Variants in BICDL2 observed in about 807,000 individuals in gnomAD.
BICDL2 encodes the protein BICD family-like cargo adapter 2.
A neutral mutation model predicts 56.6 loss-of-function variants in BICDL2; 62 were observed. The ratio of observed to expected loss-of-function variants is 1.10; its 90% CI spans 0.89 to 1.35. The LOEUF is 1.35. BICDL2 is among the 40% of genes most tolerant of loss of function. The probability of loss-of-function intolerance (pLI) is 0.00; values close to 1 mark genes in which losing one functional copy is unlikely to be tolerated. For synonymous variants in BICDL2, 358 were observed against 319.8 expected, an observed-to-expected ratio of 1.12 and a Z score of -1.27; for missense variants, 808 against 684.5, an observed-to-expected ratio of 1.18 and a Z score of -2.01.
At chr16:3,029,929 G>C in intron 5 of BICDL2, 190 bp from the exon 6 acceptor site, 1 of 556,952 alleles carries the variant, frequency 1.8e-6, no homozygotes. Context: ...CAGTTTCCTC[G>C]CCTATAGAGC....
chr16:3,030,248 A>G (rs1955632075), intron 5 of BICDL2: 1 of 643,342 alleles, frequency 1.6e-6, no homozygotes, highest in Non-Finnish European at 2.5e-6. Flanking sequence ...TCCAGCTGCC[A>G]GGCTCTGATG....
chr16:3,036,870 C>A (rs948528406), intron 1 of BICDL2, 24 bp downstream of exon 1: 5 of 290,894 alleles, frequency 1.7e-5, no homozygotes, highest in Admixed American at 1.6e-4. Flanking sequence ...GGGGCCCGGC[C>A]CTCGGCGTCC....
Position 3,035,356 on chromosome 16 carries a change from G to C in BICDL2, c.141C>G (p.Pro47=), listed in dbSNP as rs183014367. 3.7e-6 allele frequency: 6 copies of C among 1,603,456 alleles called. No homozygotes were observed. In the East Asian group the frequency reaches 6.7e-5, roughly 18 times the overall value. The change falls in exon 2 of 10, where the codon CCC becomes CCG. Residue 47 remains proline (P), a synonymous_variant. Coordinates refer to ENST00000572449, the MANE Select transcript of BICDL2 (RefSeq NM_001369667.1). ...FLGGGPGPEE[P]EDLALQLQQK... is the part of the protein sequence containing the mutation. Reference sequence around the variant, plus strand: ...GCTGCAGCTGCAAGGCTAGGTCCTCGGGCTCCTCAGGCCCTGGGCCCCCTC... The same window carrying C: ...GCTGCAGCTGCAAGGCTAGGTCCTCCGGCTCCTCAGGCCCTGGGCCCCCTC...
chr16:3,036,632 G>C (rs1343759620), intron 1 of BICDL2: 2 of 451,454 alleles, frequency 4.4e-6, no homozygotes, highest in Non-Finnish European at 8.9e-6. Flanking sequence ...CCACGCGAGA[G>C]ACAGGGACCT....
chr16:3,029,150 G>A, intron 7 of BICDL2, 130 bp downstream of exon 7: 3 of 1,208,650 alleles, frequency 2.5e-6, no homozygotes, highest in Non-Finnish European at 3.5e-6. Context: ...GGCTCTTGAA[G>A]TAAGTTTGTT....
rs1358229849 is a variant in BICDL2, at chr16:3,027,869, TATTA to T, written c.*233_*236del. 4 of 802,950 alleles carry T rather than the reference TATTA, an allele frequency of 5.0e-6. No homozygotes were observed. Among genetic ancestry groups the T allele is most frequent in the Admixed American group, 7.0e-5 (2 of 28,714 alleles). 49.7% of individuals were successfully genotyped at this position (802,950 alleles called of 1,614,324 possible). On this transcript the variant is annotated 3_prime_UTR_variant, in exon 10 of 10. Transcript: ENST00000572449. The stretch of plus-strand genomic sequence containing the variant: ...CCCTGCCCTAGAAAAGATAGACGTA[TATTA>T]ATTCGGAAAATAGCTCTGTTCACCT...
At position 3,030,431 on chromosome 16, in the gene BICDL2, C is replaced by A. The variant is rs747555854; in HGVS notation, c.762+18G>T. On this transcript the variant is annotated intron_variant, in intron 5 of 9. Coordinates refer to ENST00000572449, the MANE Select transcript of BICDL2 (RefSeq NM_001369667.1). Reference sequence around the variant, plus strand: ...CTAAGGGTCCAGGCAGTTGTAGTCCCCCAGCCCTGCAGGTCACCTCCAGGC... The same window carrying A: ...CTAAGGGTCCAGGCAGTTGTAGTCCACCAGCCCTGCAGGTCACCTCCAGGC... 3 of 1,597,208 alleles carry A rather than the reference C, an allele frequency of 1.9e-6. No individual in the cohort carries two copies. Among genetic ancestry groups the A allele is most frequent in the South Asian group, 1.1e-5 (1 of 90,078 alleles).
chr16:3,028,751 G>C lies in BICDL2; in HGVS notation c.1187C>G (p.Pro396Arg). 1.9e-6 allele frequency: 3 copies of C among 1,562,778 alleles called. No homozygotes were observed. Among genetic ancestry groups the C allele is most frequent in the Non-Finnish European group, 2.6e-6 (3 of 1,153,714 alleles). Residue 396 changes from proline to arginine, a missense_variant, in exon 8 of 10, where the codon CCT (proline) becomes CGT (arginine). By Grantham distance (103) the Pro-to-Arg change is moderately radical. Coordinates refer to ENST00000572449, the MANE Select transcript of BICDL2 (RefSeq NM_001369667.1). Reference sequence around the variant, plus strand: ...GAGGGCACTGTGCAGGGCCTCCCCAGGGTCTTCCTGCGCCCGCAGCTCCTT... The same window carrying C: ...GAGGGCACTGTGCAGGGCCTCCCCACGGTCTTCCTGCGCCCGCAGCTCCTT... ...RQKELRAQED[P>R]GEALHSALSD...
rs745845351 is a variant in BICDL2 at position 3,027,704 on chromosome 16, A to G, written c.*402T>C. On this transcript the variant is annotated 3_prime_UTR_variant, in exon 10 of 10. Coordinates refer to ENST00000572449, the MANE Select transcript of BICDL2 (RefSeq NM_001369667.1). Reference sequence around the variant, plus strand: ...AGCTCAGGGTTTTAGAGTGTTTTTCATTTTCTTTTTTTTTTTTTTTTTACA... The same window carrying G: ...AGCTCAGGGTTTTAGAGTGTTTTTCGTTTTCTTTTTTTTTTTTTTTTTACA... 1 of 1,384,310 alleles carries G rather than the reference A, an allele frequency of 7.2e-7. No individual in the cohort carries two copies. The highest frequency in any genetic ancestry group is 9.4e-7 in the Non-Finnish European group (1 of 1,062,948). 85.8% of individuals were successfully genotyped at this position (1,384,310 alleles called of 1,614,324 possible).
In BICDL2 at chr16:3,030,820, G is replaced by A. The variant is rs1341324728; in HGVS notation, c.499-8C>T. 6.2e-7 allele frequency: 1 copy of A among 1,600,070 alleles called. No individual in the cohort carries two copies. The highest frequency in any genetic ancestry group is 1.1e-5 in the South Asian group (1 of 89,458). ...CTGCTCAGTCTGGGAGGCCTGGGGAGGTGGAAAGAGGGACAGAGGAGCCTC... is the reference window on the plus strand; with the variant it reads ...CTGCTCAGTCTGGGAGGCCTGGGGAAGTGGAAAGAGGGACAGAGGAGCCTC... On this transcript the variant is annotated splice_polypyrimidine_tract_variant and splice_region_variant and intron_variant, in intron 3 of 9. Coordinates refer to ENST00000572449, the MANE Select transcript of BICDL2 (RefSeq NM_001369667.1).
intron 5 of BICDL2, chr16:3,029,970 C>T: frequency 1.9e-6 from 1 of 536,124 alleles, no homozygotes; most frequent in South Asian, 2.6e-5. Context: ...CCCATCTCCT[C>T]CCCTGCCCAG....
At chr16:3,028,322 C>T (rs756175283) in intron 9 of BICDL2, 26 bp downstream of exon 9, 1 of 1,543,856 alleles carries the variant, frequency 6.5e-7, no homozygotes, top group South Asian at 1.2e-5. Flanking sequence ...CCTTGCCCCG[C>T]CCCGCACACG....
At chr16:3,036,732 G>A in intron 1 of BICDL2, 162 bp downstream of exon 1, 1 of 425,956 alleles carries the variant, frequency 2.3e-6, no homozygotes, top group Non-Finnish European at 4.7e-6. Flanking sequence ...AAGCGGCTGG[G>A]CTCACCCCCG....
At chr16:3,031,550 GC>G in intron 2 of BICDL2, 2 of 418,642 alleles carry the variant, frequency 4.8e-6, no homozygotes, top group East Asian at 7.0e-5. Context: ...ACTCTGCCCA[GC>G]CCCCTCCCCA....
At chr16:3,035,176 T>TTGGGCCGGGGGGGGGGGGGGGG in intron 2 of BICDL2, 39 bp downstream of exon 2, 2 of 136,272 alleles carry the variant, frequency 1.5e-5, no homozygotes, top group Non-Finnish European at 2.7e-5. Flanking sequence ...CGTCCTCCCC[T>TTGGGCCGGGGGGGGGGGGGGGG]GCCCACCCAC....
rs2072845143 is a variant in BICDL2 at position 3,027,940 on chromosome 16, C to A, written c.*166G>T. ...TGGAGCTCCTGCCCCACAAAGCTGG[C>A]CCCTGCTCCGGATGAGCCCCTGCTC... is the stretch of plus-strand genomic sequence containing the variant. On this transcript the variant is annotated 3_prime_UTR_variant, in exon 10 of 10. Coordinates refer to ENST00000572449, the MANE Select transcript of BICDL2 (RefSeq NM_001369667.1). 1 of 1,097,782 alleles carries A rather than the reference C, an allele frequency of 9.1e-7. No individual in the cohort carries two copies. Among genetic ancestry groups the A allele is most frequent in the Non-Finnish European group, 1.2e-6 (1 of 812,982 alleles). 68.0% of individuals were successfully genotyped at this position (1,097,782 alleles called of 1,614,324 possible).
Position 3,027,917 on chromosome 16 carries a change from G to C in BICDL2, c.*189C>G. 1 of 930,370 alleles carries C rather than the reference G, an allele frequency of 1.1e-6. No individual in the cohort carries two copies. Among genetic ancestry groups the C allele is most frequent in the Non-Finnish European group, 1.5e-6 (1 of 659,886 alleles). 57.6% of individuals were successfully genotyped at this position (930,370 alleles called of 1,614,324 possible). A position where few individuals can be genotyped will look rare whatever the true frequency, so the allele number is the denominator to read the frequency against. Reference sequence around the variant, plus strand: ...TTCACCTGCCCCTGCCACCCACCTGGAGCTCCTGCCCCACAAAGCTGGCCC... The same window carrying C: ...TTCACCTGCCCCTGCCACCCACCTGCAGCTCCTGCCCCACAAAGCTGGCCC... On this transcript the variant is annotated 3_prime_UTR_variant, in exon 10 of 10. Coordinates refer to ENST00000572449, the MANE Select transcript of BICDL2 (RefSeq NM_001369667.1).
In BICDL2 at chr16:3,028,137, C is replaced by A; in HGVS notation, c.1496G>T (p.Gly499Val). 6.9e-7 allele frequency: 1 copy of A among 1,443,084 alleles called. No individual in the cohort carries two copies. The highest frequency in any genetic ancestry group is 9.0e-7 in the Non-Finnish European group (1 of 1,105,476). 89.4% of individuals were successfully genotyped at this position (1,443,084 alleles called of 1,614,324 possible). A position where few individuals can be genotyped will look rare whatever the true frequency, so the allele number is the denominator to read the frequency against. Residue 499 changes from glycine (G) to valine (V), a missense_variant, in exon 10 of 10, where the codon GGC becomes GTC. Coordinates refer to ENST00000572449, the MANE Select transcript of BICDL2 (RefSeq NM_001369667.1). ...SLRLGPGPAG[G>V]FLSNLFRRT Reference sequence around the variant, plus strand: ...CCTTCGGAAGAGGTTACTGAGAAAGCCACCGGCGGGCCCGGGGCCCAGGCG... The same window carrying A: ...CCTTCGGAAGAGGTTACTGAGAAAGACACCGGCGGGCCCGGGGCCCAGGCG...
intron 2 of BICDL2, chr16:3,031,666 C>T (rs766972115): frequency 2.5e-5 from 10 of 401,650 alleles, no homozygotes; most frequent in African/African-American, 1.0e-4. Context: ...AGATGCCCAG[C>T]GTGGGGAGGC....
Sources: gnomAD v4.1 joint callset for allele counts on GRCh38, gnomAD v4.1.1 for gene constraint, MANE v1.5 for transcripts, NCBI Gene and HGNC (gene_info 2026-07-23, HGNC 2026-07-21) for gene names.